BBS9: variants seen among roughly 807,000 people sequenced by gnomAD.
BBS9 encodes the protein Bardet-Biedl syndrome 9, also known as protein PTHB1.
A neutral mutation model predicts 117.7 loss-of-function variants in BBS9; 89 were observed. The ratio of observed to expected loss-of-function variants is 0.76; its 90% CI spans 0.64 to 0.90. The LOEUF is 0.90. Ranked by LOEUF, BBS9 falls within the 40% of genes least tolerant of loss-of-function variation. BBS9 has a pLI of 0.00. For missense variants in BBS9, 982 were observed against 1,042.2 expected, an observed-to-expected ratio of 0.94 and a Z score of 0.80; for synonymous variants, 379 against 370.9, an observed-to-expected ratio of 1.02 and a Z score of -0.25.
chr7:33,209,887 C>A (rs981747745), intron 5 of BBS9, among the ~76,000 whole-genome samples: 2 of 151,994 alleles, frequency 1.3e-5, no homozygotes, highest in Admixed American at 1.3e-4. Flanking sequence ...ATTTCAAATT[C>A]ATTTATATCT....
intron 9 of BBS9, among the ~76,000 whole-genome samples, chr7:33,303,094 A>G (rs1431198336): frequency 6.6e-6 from 1 of 152,128 alleles, no homozygotes; most frequent in African/African-American, 2.4e-5. Context: ...TATAAATGCT[A>G]CTGATTTTTG....
At chr7:33,504,884 G>T (rs1404473117) in intron 19 of BBS9, among the ~76,000 whole-genome samples, 1 of 149,986 alleles carries the variant, frequency 6.7e-6, no homozygotes, top group Non-Finnish European at 1.5e-5. Context: ...CCTGTGGGCT[G>T]GTGCCTGATA....
intron 7 of BBS9, among the ~76,000 whole-genome samples, chr7:33,266,218 G>C (rs978302954): frequency 2.6e-5 from 4 of 152,220 alleles, no homozygotes; most frequent in African/African-American, 9.6e-5. Flanking sequence ...TTAGTGAATA[G>C]AGTAAGAAAT....
chr7:33,315,434 T>G (rs1303395473), intron 9 of BBS9, among the ~76,000 whole-genome samples: 1 of 152,212 alleles, frequency 6.6e-6, no homozygotes, highest in African/African-American at 2.4e-5. Context: ...GATCTCATCA[T>G]TCTCTTACCC....
At chr7:33,297,631 G>C (rs1365752397) in intron 9 of BBS9, among the ~76,000 whole-genome samples, 2 of 151,938 alleles carry the variant, frequency 1.3e-5, no homozygotes, top group African/African-American at 2.4e-5. Flanking sequence ...TTGTGGAGTG[G>C]GCAACAAAAG....
intron 21 of BBS9, among the ~76,000 whole-genome samples, chr7:33,617,216 C>T (rs569526145): frequency 6.6e-6 from 1 of 151,860 alleles, no homozygotes; most frequent in South Asian, 2.1e-4. Flanking sequence ...AAAACAAGAC[C>T]CAACTATATC....
At chr7:33,206,004 C>T (rs1583619730) in intron 5 of BBS9, among the ~76,000 whole-genome samples, 1 of 152,198 alleles carries the variant, frequency 6.6e-6, no homozygotes, top group African/African-American at 2.4e-5. Context: ...CCTTCACTGG[C>T]ACTCCATCCC....
At chr7:33,615,362 A>C (rs1325318518) in intron 21 of BBS9, among the ~76,000 whole-genome samples, 1 of 152,104 alleles carries the variant, frequency 6.6e-6, no homozygotes, top group African/African-American at 2.4e-5. Context: ...AATAAACAGC[A>C]TGCTAGAACA....
chr7:33,479,446 G>GT (rs371658807), intron 19 of BBS9, among the ~76,000 whole-genome samples: 4 of 152,074 alleles, frequency 2.6e-5, no homozygotes, highest in Admixed American at 6.6e-5. Flanking sequence ...TTATTTTATT[G>GT]TTTTTTTATG....
intron 5 of BBS9, among the ~76,000 whole-genome samples, chr7:33,254,436 A>G (rs1796694560): frequency 6.6e-6 from 1 of 151,718 alleles, no homozygotes; most frequent in Admixed American, 6.5e-5. Flanking sequence ...ATGTTCTGAT[A>G]TACATATACA....
chr7:33,178,499 C>T (rs1311308588), intron 5 of BBS9, among the ~76,000 whole-genome samples: 1 of 152,118 alleles, frequency 6.6e-6, no homozygotes, highest in East Asian at 1.9e-4. Context: ...CAACTTCTCT[C>T]CCTGCACCGT....
chr7:33,130,726 C>T (rs1562640426), intron 1 of BBS9, among the ~76,000 whole-genome samples: 1 of 149,314 alleles, frequency 6.7e-6, no homozygotes, highest in Non-Finnish European at 1.5e-5. Flanking sequence ...CATGAATATA[C>T]GGAAGAATTA....
At chr7:33,180,513 C>T (rs1011699782) in intron 5 of BBS9, among the ~76,000 whole-genome samples, 13 of 151,920 alleles carry the variant, frequency 8.6e-5, no homozygotes, top group South Asian at 6.2e-4. Flanking sequence ...CATGCCACCA[C>T]GCCCAGCTAA....
intron 11 of BBS9, among the ~76,000 whole-genome samples, chr7:33,343,360 AT>A (rs1488134715): frequency 6.6e-5 from 10 of 152,166 alleles, no homozygotes; most frequent in African/African-American, 2.2e-4. Flanking sequence ...TGTTTTATGT[AT>A]TATATTATAC....
intron 21 of BBS9, among the ~76,000 whole-genome samples, chr7:33,621,715 C>A (rs963456447): frequency 6.6e-6 from 1 of 152,120 alleles, no homozygotes; most frequent in African/African-American, 2.4e-5. Context: ...CAAAGAGATA[C>A]CTGTATTCCC....
At position 33,230,744 on chromosome 7, in the gene BBS9, G is replaced by A. The variant is rs566429858; in HGVS notation, c.443-26492G>A. Among the ~76,000 whole-genome samples the A allele has an allele frequency of 7.2e-5, 11 of 152,254 alleles. 1 individual carries two copies. In the South Asian group the frequency reaches 2.3e-3, roughly 32 times the overall value. ...CATTTCCAATGAAGTTGCTGCAAAAGACATTATTTTGTTCTTTATGACTGA... is the reference window on the plus strand; with the variant it reads ...CATTTCCAATGAAGTTGCTGCAAAAAACATTATTTTGTTCTTTATGACTGA... On this transcript the variant is annotated intron_variant, in intron 5 of 22. Coordinates refer to ENST00000242067, the MANE Select transcript of BBS9 (RefSeq NM_198428.3).
chr7:33,215,881 G>A (rs978072228), intron 5 of BBS9, among the ~76,000 whole-genome samples: 2 of 152,062 alleles, frequency 1.3e-5, no homozygotes, highest in East Asian at 1.9e-4. Flanking sequence ...GTAAAAATAT[G>A]TCTAAGATTT....
chr7:33,258,066 A>T (rs1247680140), intron 6 of BBS9, among the ~76,000 whole-genome samples: 1 of 152,316 alleles, frequency 6.6e-6, no homozygotes, highest in Non-Finnish European at 1.5e-5. Context: ...AGATTTAAAT[A>T]AAAGTCAAGG....
rs572355381 is a variant in BBS9, at chr7:33,395,693, T to A, written c.2115+7549T>A. On this transcript the variant is annotated intron_variant, in intron 19 of 22. Transcript: ENST00000242067. ...GGAGTTTGCTATTTGTTACTTTTTC[T>A]GTACTTTAAACTTCCTTCCACTCTG... is the stretch of plus-strand genomic sequence containing the variant. 2.0e-5 allele frequency among the ~76,000 whole-genome samples: 3 copies of A among 152,310 alleles called. No individual in the cohort carries two copies. In the East Asian group the frequency reaches 5.8e-4, roughly 29 times the overall value.
Sources: gnomAD v4.1 joint callset for allele counts (sites outside exome capture counted in the v4.1 genomes callset) on GRCh38, gnomAD v4.1.1 for gene constraint, MANE v1.5 for transcripts, NCBI Gene and HGNC (gene_info 2026-07-23, HGNC 2026-07-21) for gene names.